The following CHD9 variants were observed in gnomAD, a reference collection of about 807,000 sequenced individuals.
CHD9 encodes the protein chromodomain helicase DNA binding protein 9, also known as ATP-dependent chromatin remodeler CHD9.
Under a neutral mutation model 316.1 loss-of-function variants are expected in CHD9, and 77 were observed. The observed-to-expected ratio is 0.24, with a 90% CI of 0.20 to 0.29. The LOEUF (loss-of-function observed/expected upper bound fraction) is 0.29, where lower values mean the gene tolerates loss of function less well. CHD9 is among the 10% of genes least tolerant of loss of function. The pLI is 1.00. For missense variants in CHD9, 2,763 were observed against 3,438.1 expected, an observed-to-expected ratio of 0.80 and a Z score of 4.91; for synonymous variants, 1,129 against 1,158.3, an observed-to-expected ratio of 0.97 and a Z score of 0.51.
intron 24 of CHD9, among the ~76,000 whole-genome samples, chr16:53,274,751 A>G (rs1386143818): frequency 6.6e-6 from 1 of 152,090 alleles, no homozygotes; most frequent in East Asian, 1.9e-4. Context: ...ATGAGCCACC[A>G]CGCCCAGCCT....
chr16:53,169,785 A>G (rs567102033), intron 2 of CHD9, among the ~76,000 whole-genome samples: 2 of 152,310 alleles, frequency 1.3e-5, no homozygotes, highest in South Asian at 4.1e-4. Flanking sequence ...ATAACATTAT[A>G]TACTATATAG....
chr16:53,299,980 A>G lies in CHD9; in HGVS notation c.5713+2822A>G, dbSNP rs530305851. 2.6e-5 allele frequency among the ~76,000 whole-genome samples: 4 copies of G among 152,356 alleles called. No homozygotes were observed. In the East Asian group the frequency reaches 7.7e-4, roughly 29 times the overall value. Reference sequence around the variant, plus strand: ...AAGTGTTACATTTACTTTAGCTTAAAATGCACATTAGAAGACAAACACCTT... The same window carrying G: ...AAGTGTTACATTTACTTTAGCTTAAGATGCACATTAGAAGACAAACACCTT... On this transcript the variant is annotated intron_variant, in intron 30 of 38. Transcript: ENST00000447540.
At chr16:53,175,234 ACTCT>A (rs1567424382) in intron 2 of CHD9, among the ~76,000 whole-genome samples, 2 of 151,162 alleles carry the variant, frequency 1.3e-5, no homozygotes, top group Non-Finnish European at 3.0e-5. Context: ...TCTCTGTGGA[ACTCT>A]CTCCTTTCTG....
chr16:53,059,848 A>G (rs1462867485), intron 1 of CHD9, among the ~76,000 whole-genome samples: 1 of 152,250 alleles, frequency 6.6e-6, no homozygotes, highest in East Asian at 1.9e-4. Flanking sequence ...GAAATGACGT[A>G]CAGTAAGTCC....
chr16:53,097,817 G>T (rs548406746), intron 1 of CHD9, among the ~76,000 whole-genome samples: 2 of 152,262 alleles, frequency 1.3e-5, no homozygotes, highest in South Asian at 4.1e-4. Flanking sequence ...TGATTTTGTG[G>T]TTTTTAAAAA....
chr16:53,276,147 G>GCA (rs943201669), intron 24 of CHD9, among the ~76,000 whole-genome samples: 2 of 152,122 alleles, frequency 1.3e-5, no homozygotes, highest in African/African-American at 4.8e-5. Context: ...CTATAGTCTA[G>GCA]CACTCTACTT....
At chr16:53,082,946 C>T (rs1327806048) in intron 1 of CHD9, among the ~76,000 whole-genome samples, 1 of 152,218 alleles carries the variant, frequency 6.6e-6, no homozygotes, top group East Asian at 1.9e-4. Context: ...GGTTTCCCAT[C>T]AGTCGTCTGC....
chr16:53,183,623 C>A (rs891054447), intron 2 of CHD9, among the ~76,000 whole-genome samples: 2 of 152,102 alleles, frequency 1.3e-5, no homozygotes, highest in African/African-American at 4.8e-5. Flanking sequence ...GTTTAAAACT[C>A]CTTTCTAATG....
chr16:53,219,812 T>C (rs1339701668), intron 3 of CHD9, among the ~76,000 whole-genome samples: 1 of 152,210 alleles, frequency 6.6e-6, no homozygotes, highest in Admixed American at 6.5e-5. Context: ...TATAAAATAA[T>C]AGTACTTCCC....
intron 1 of CHD9, among the ~76,000 whole-genome samples, chr16:53,114,977 G>C (rs972443020): frequency 6.6e-6 from 1 of 152,206 alleles, no homozygotes; most frequent in Non-Finnish European, 1.5e-5. Context: ...TAAATGAAGG[G>C]ATTTGTTGAT....
chr16:53,127,208 T>G (rs980325761), intron 1 of CHD9, among the ~76,000 whole-genome samples: 2 of 148,022 alleles, frequency 1.4e-5, no homozygotes, highest in African/African-American at 5.0e-5. Flanking sequence ...GCAGTCCACC[T>G]GCCTTGGCCT....
chr16:53,220,079 G>C (rs1305528828), intron 3 of CHD9, among the ~76,000 whole-genome samples: 1 of 152,160 alleles, frequency 6.6e-6, no homozygotes, highest in African/African-American at 2.4e-5. Flanking sequence ...GAAACTAGAG[G>C]AGGAAAAGGG....
At chr16:53,323,942 G>A in intron 38 of CHD9, 78 bp from the exon 39 acceptor site, 1 of 1,185,890 alleles carries the variant, frequency 8.4e-7, no homozygotes, top group Non-Finnish European at 1.2e-6. Flanking sequence ...TATTTTTCAT[G>A]GTTATTTGTA....
Position 53,264,436 on chromosome 16 carries a change from A to T in CHD9, c.4320+1339A>T, listed in dbSNP as rs976107750. 2.6e-5 allele frequency among the ~76,000 whole-genome samples: 4 copies of T among 152,102 alleles called. No homozygotes were observed. In the South Asian group the frequency reaches 8.3e-4, roughly 32 times the overall value. On this transcript the variant is annotated intron_variant, in intron 20 of 38. Coordinates refer to ENST00000447540, the MANE Select transcript of CHD9 (RefSeq NM_001308319.2). ...ACTGTCTAATGCAATAATTAAAAATAAAAAATAATAAGAATGGACATTCTT... is the reference window on the plus strand; with the variant it reads ...ACTGTCTAATGCAATAATTAAAAATTAAAAATAATAAGAATGGACATTCTT...
At chr16:53,313,820 G>T (rs1478661588) in intron 34 of CHD9, among the ~76,000 whole-genome samples, 1 of 151,896 alleles carries the variant, frequency 6.6e-6, no homozygotes, top group Non-Finnish European at 1.5e-5. Flanking sequence ...GGGCGTGGTG[G>T]TGGGTGCCTG....
At chr16:53,263,573 A>G (rs1362534753) in intron 20 of CHD9, among the ~76,000 whole-genome samples, 1 of 152,136 alleles carries the variant, frequency 6.6e-6, no homozygotes, top group South Asian at 2.1e-4. Flanking sequence ...TGATAATAAT[A>G]GCATAACTGC....
chr16:53,213,872 T>C (rs2046526393), intron 3 of CHD9, among the ~76,000 whole-genome samples: 1 of 152,168 alleles, frequency 6.6e-6, no homozygotes, highest in African/African-American at 2.4e-5. Context: ...TTTAATCAAT[T>C]ATTGTCCTTT....
chr16:53,271,098 T>C (rs1270993711), intron 22 of CHD9, among the ~76,000 whole-genome samples: 1 of 148,926 alleles, frequency 6.7e-6, no homozygotes, highest in Non-Finnish European at 1.5e-5. Context: ...AACCTAAAGA[T>C]AATGACAGGA....
chr16:53,280,986 C>G (rs1361077435), intron 24 of CHD9, among the ~76,000 whole-genome samples: 1 of 151,960 alleles, frequency 6.6e-6, no homozygotes, highest in Non-Finnish European at 1.5e-5. Context: ...TCTCACTACT[C>G]TTTCCTTTTC....
Sources: allele counts gnomAD v4.1 joint callset (sites outside exome capture counted in the v4.1 genomes callset), GRCh38; gene constraint gnomAD v4.1.1; transcripts MANE v1.5; gene names NCBI Gene and HGNC (gene_info 2026-07-23, HGNC 2026-07-21).